The following ZNF396 variants were observed in gnomAD, a reference collection of about 807,000 sequenced individuals.
The protein encoded by ZNF396 is zinc finger and SCAN domain-containing protein 14.
ZNF396 carries 14 observed loss-of-function variants against 20.5 expected under a neutral mutation model. The ratio of observed to expected loss-of-function variants is 0.68; its 90% CI spans 0.45 to 1.07. ZNF396 has a LOEUF of 1.07. ZNF396 is among the 50% of genes least tolerant of loss of function. The pLI is 0.00. For missense variants in ZNF396, 347 were observed against 390.1 expected (o/e 0.89, Z 0.93); for synonymous variants, 119 against 140.6 (o/e 0.85, Z 1.08).
At position 35,374,516 on chromosome 18, in the gene ZNF396, A is replaced by G; in HGVS notation, c.-72-152T>C. 1 of 392,088 alleles carries G rather than the reference A, an allele frequency of 2.6e-6. No homozygotes were observed. Among genetic ancestry groups the G allele is most frequent in the Non-Finnish European group, 4.7e-6 (1 of 214,304 alleles). 24.3% of individuals were successfully genotyped at this position (392,088 alleles called of 1,614,324 possible). ...GCTTTTATTTATTTATTTATTTTTGAGATGGAGTCTTGCTCTGTTGCCCAG... is the reference window on the plus strand; with the variant it reads ...GCTTTTATTTATTTATTTATTTTTGGGATGGAGTCTTGCTCTGTTGCCCAG... On this transcript the variant is annotated intron_variant, in intron 1 of 3. Coordinates refer to ENST00000589332, the MANE Select transcript of ZNF396 (RefSeq NM_001322286.2). This position sits in a 1 kb window ranked among gnomAD's most constrained non-coding sequence, Gnocchi z 4.3.
chr18:35,369,945 TAGAA>T, intron 3 of ZNF396, among the ~76,000 whole-genome samples: 1 of 152,074 alleles, frequency 6.6e-6, no homozygotes, highest in South Asian at 2.1e-4. Context: ...AGAAAGGGCT[TAGAA>T]AGAAGAAATG....
chr18:35,370,518 T>TTC (rs1414383350), intron 3 of ZNF396, among the ~76,000 whole-genome samples: 2 of 132,962 alleles, frequency 1.5e-5, no homozygotes, highest in East Asian at 4.1e-4. Flanking sequence ...TTTTTTTTTT[T>TTC]TTTTTTTTTT....
intron 3 of ZNF396, chr18:35,373,124 A>G: frequency 3.0e-6 from 1 of 330,340 alleles, no homozygotes; most frequent in East Asian, 4.8e-5. Context: ...AATGATGATG[A>G]GGATCAGTGG....
chr18:35,370,278 G>C (rs1450729545), intron 3 of ZNF396, among the ~76,000 whole-genome samples: 1 of 151,854 alleles, frequency 6.6e-6, no homozygotes, highest in African/African-American at 2.4e-5. Flanking sequence ...TGGTTGAATC[G>C]CTGTTTGTTG....
intron 1 of ZNF396, among the ~76,000 whole-genome samples, chr18:35,375,372 ATTAC>A (rs1460943652): frequency 6.6e-6 from 1 of 151,960 alleles, no homozygotes; most frequent in Non-Finnish European, 1.5e-5. Flanking sequence ...CCATATCCAT[ATTAC>A]TTACTTAACT....
chr18:35,370,065 A>G (rs1473179740), intron 3 of ZNF396, among the ~76,000 whole-genome samples: 5 of 152,198 alleles, frequency 3.3e-5, no homozygotes, highest in African/African-American at 1.2e-4. Context: ...CTTAATATTC[A>G]TAAAGGAATC....
chr18:35,371,366 AT>A (rs2045177325), intron 3 of ZNF396, among the ~76,000 whole-genome samples: 1 of 152,238 alleles, frequency 6.6e-6, no homozygotes, highest in Admixed American at 6.5e-5. Flanking sequence ...AAAATTATTT[AT>A]TGTATTTATT....
In ZNF396 at chr18:35,368,486, A is replaced by T. The variant is rs202165008; in HGVS notation, c.*729T>A. ...AAAATAGGAATTTATTTTTATTTTT[A>T]TTTATTTATTTATTTATTTATTTAT... On this transcript the variant is annotated 3_prime_UTR_variant, in exon 4 of 4. Transcript: ENST00000589332. The T allele has an allele frequency of 1.5e-4, 92 of 628,982 alleles. 1 individual carries two copies. The Middle Eastern group carries it at 2.3e-3, about 16-fold the overall frequency. The allele number at this position is 628,982 out of a possible 1,614,324, so 39.0% of individuals were successfully genotyped here.
chr18:35,370,669 C>T (rs8097583), intron 3 of ZNF396, among the ~76,000 whole-genome samples: 1,513 of 151,074 alleles, frequency 0.01, 27 homozygotes, highest in African/African-American at 0.035. Context: ...CCCGCCACTA[C>T]GCCCGGCTAA....
rs116404576 is a variant in ZNF396 at position 35,369,350 on chromosome 18, G to A, written c.873C>T (p.Ser291=). 87 of 1,614,164 alleles carry A rather than the reference G, an allele frequency of 5.4e-5. No homozygotes were observed. The highest frequency in any genetic ancestry group is 6.7e-5 in the East Asian group (3 of 44,886). ...CDECAKAFSR[S]AILIQHRRTH... ...TTCGTCGATGCTGAATCAGAATTGCGCTTCGGCTGAATGCCTTTGCACACT... is the reference window on the plus strand; with the variant it reads ...TTCGTCGATGCTGAATCAGAATTGCACTTCGGCTGAATGCCTTTGCACACT... The change falls in exon 4 of 4, where the codon AGC becomes AGT. Residue 291 remains serine (S), a synonymous_variant. Transcript: ENST00000589332.
Position 35,367,723 on chromosome 18 carries a change from A to G in ZNF396, c.*1492T>C, listed in dbSNP as rs992568970. 3.9e-5 allele frequency: 6 copies of G among 152,372 alleles called. No individual in the cohort carries two copies. Among genetic ancestry groups the G allele is most frequent in the East Asian group, 1.9e-4 (1 of 5,196 alleles). 9.4% of individuals were successfully genotyped at this position (152,372 alleles called of 1,614,324 possible). On this transcript the variant is annotated 3_prime_UTR_variant, in exon 4 of 4. Coordinates refer to ENST00000589332, the MANE Select transcript of ZNF396 (RefSeq NM_001322286.2). The stretch of plus-strand genomic sequence containing the variant: ...TTACTCATATCCCATAGATAAGCCA[A>G]ATAAGATATCCCATAAATGTCTTAA...
At chr18:35,372,626 G>A (rs1395047400) in intron 3 of ZNF396, 2 of 151,992 alleles carry the variant, frequency 1.3e-5, no homozygotes, top group Non-Finnish European at 2.9e-5. Flanking sequence ...CTAGAAGGAG[G>A]GTCTCTGCTC....
Position 35,369,291 on chromosome 18 carries a change from T to C in ZNF396, c.932A>G (p.Asp311Gly). The C allele has an allele frequency of 6.2e-7, 1 of 1,614,218 alleles. No individual in the cohort carries two copies. The highest frequency in any genetic ancestry group is 1.6e-4 in the Middle Eastern group (1 of 6,062). The change falls in exon 4 of 4, where the codon GAC (aspartate) becomes GGC (glycine). Residue 311 changes from aspartate (D) to glycine (G), a missense_variant. Asp to Gly is a moderately conservative substitution (Grantham distance 94, BLOSUM62 -1). Coordinates refer to ENST00000589332, the MANE Select transcript of ZNF396 (RefSeq NM_001322286.2). ...HTGEKPYKCH[D>G]CGKAFSQSSN... ...GCTCTGACTAAAGGCTTTGCCACAGTCATGACACTTGTAGGGCTTCTCACC... is the reference window on the plus strand; with the variant it reads ...GCTCTGACTAAAGGCTTTGCCACAGCCATGACACTTGTAGGGCTTCTCACC...
chr18:35,371,417 A>G (rs1017236413), intron 3 of ZNF396, among the ~76,000 whole-genome samples: 2 of 152,222 alleles, frequency 1.3e-5, no homozygotes, highest in African/African-American at 4.8e-5. Flanking sequence ...GTTGTTTAGA[A>G]TAGAATACCT....
chr18:35,372,873 T>C (rs2045201522), intron 3 of ZNF396: 1 of 152,308 alleles, frequency 6.6e-6, no homozygotes, highest in South Asian at 2.1e-4. Flanking sequence ...CCTTATTCTG[T>C]TTTGTTTTTA....
rs191706461 is a variant in ZNF396 at position 35,374,447 on chromosome 18, A to C, written c.-72-83T>G. 403 of 674,424 alleles carry C rather than the reference A, an allele frequency of 6.0e-4. 3 individuals are homozygous for C. In the African/African-American group the frequency reaches 6.1e-3, roughly 10 times the overall value. 41.8% of individuals were successfully genotyped at this position (674,424 alleles called of 1,614,324 possible). A position where few individuals can be genotyped will look rare whatever the true frequency, so the allele number is the denominator to read the frequency against. On this transcript the variant is annotated intron_variant, in intron 1 of 3. Coordinates refer to ENST00000589332, the MANE Select transcript of ZNF396 (RefSeq NM_001322286.2). The surrounding 1 kb of genome is among the most constrained non-coding windows in gnomAD (Gnocchi z 4.3). ...ACAAAACAACTAAGATTAGAAACAT[A>C]AGACTGTATAGGAACTACTGACCTT... is the stretch of plus-strand genomic sequence containing the variant.
rs955332742 is a variant in ZNF396, at chr18:35,373,041, G to A, written c.562+415C>T. On this transcript the variant is annotated intron_variant, in intron 3 of 3. Coordinates refer to ENST00000589332, the MANE Select transcript of ZNF396 (RefSeq NM_001322286.2). ...AAGTGTATTCAAAGCACGTATGAGAGCAAAGTCACCTTAGCAGCAATATAG... is the reference window on the plus strand; with the variant it reads ...AAGTGTATTCAAAGCACGTATGAGAACAAAGTCACCTTAGCAGCAATATAG... 3 of 190,668 alleles carry A rather than the reference G, an allele frequency of 1.6e-5. No homozygotes were observed. In the Admixed American group the frequency reaches 1.8e-4, roughly 12 times the overall value. The allele number at this position is 190,668 out of a possible 1,614,324, so 11.8% of individuals were successfully genotyped here.
rs1317500022 is a variant in ZNF396 at position 35,367,909 on chromosome 18, C to G, written c.*1306G>C. ...CTAGAAACTCATCTTACTAAGAATA[C>G]AGAAGACTCTGAAAAGGTTGTCTTG... is the stretch of plus-strand genomic sequence containing the variant. On this transcript the variant is annotated 3_prime_UTR_variant, in exon 4 of 4. Transcript: ENST00000589332. 2 of 152,216 alleles carry G rather than the reference C, an allele frequency of 1.3e-5. No individual in the cohort carries two copies. The highest frequency in any genetic ancestry group is 6.5e-5 in the Admixed American group (1 of 15,284). The allele number at this position is 152,216 out of a possible 1,614,324, so 9.4% of individuals were successfully genotyped here. A position where few individuals can be genotyped will look rare whatever the true frequency, so the allele number is the denominator to read the frequency against.
Position 35,368,572 on chromosome 18 carries a change from C to T in ZNF396, c.*643G>A, listed in dbSNP as rs1385518186. 2.1e-5 allele frequency: 10 copies of T among 469,424 alleles called. No individual in the cohort carries two copies. The highest frequency in any genetic ancestry group is 2.6e-5 in the Non-Finnish European group (9 of 343,654). 29.1% of individuals were successfully genotyped at this position (469,424 alleles called of 1,614,324 possible). A position where few individuals can be genotyped will look rare whatever the true frequency, so the allele number is the denominator to read the frequency against. On this transcript the variant is annotated 3_prime_UTR_variant, in exon 4 of 4. Coordinates refer to ENST00000589332, the MANE Select transcript of ZNF396 (RefSeq NM_001322286.2). ...GTTCAAGCAATTTTCCTGCCTCAGC[C>T]TCCCTAGTAGCTGGGATTACAGGTA...
Sources: allele counts gnomAD v4.1 joint callset (sites outside exome capture counted in the v4.1 genomes callset), GRCh38; gene constraint gnomAD v4.1.1; non-coding constraint Gnocchi (gnomAD v3.1); transcripts MANE v1.5; gene names NCBI Gene and HGNC (gene_info 2026-07-23, HGNC 2026-07-21).